The following KCTD16 variants were observed in gnomAD, a reference collection of about 807,000 sequenced individuals.
KCTD16 encodes the protein BTB/POZ domain-containing protein KCTD16.
In KCTD16, 13 loss-of-function variants were observed where a neutral mutation model predicts 33.2. The observed-to-expected ratio is 0.39, with a 90% CI of 0.25 to 0.62. The LOEUF (loss-of-function observed/expected upper bound fraction) is 0.62. Ranked by LOEUF, KCTD16 falls within the 20% of genes least tolerant of loss-of-function variation. The pLI is 0.50. For synonymous variants in KCTD16, 197 were observed against 195.3 expected (o/e 1.01, Z -0.07); for missense variants, 441 against 525.1 (o/e 0.84, Z 1.57).
intron 3 of KCTD16, among the ~76,000 whole-genome samples, chr5:144,446,042 A>G (rs528494766): frequency 6.6e-6 from 1 of 151,960 alleles, no homozygotes; most frequent in East Asian, 1.9e-4. Flanking sequence ...CTTTCTATAC[A>G]GATGCCATTA....
intron 3 of KCTD16, among the ~76,000 whole-genome samples, chr5:144,325,646 A>G (rs1055010262): frequency 6.6e-6 from 1 of 151,936 alleles, no homozygotes; most frequent in African/African-American, 2.4e-5. Flanking sequence ...TTCTCTTTCA[A>G]GTTTCAGCCT....
intron 3 of KCTD16, among the ~76,000 whole-genome samples, chr5:144,454,106 GA>G (rs1430390949): frequency 6.6e-6 from 1 of 152,152 alleles, no homozygotes; most frequent in East Asian, 1.9e-4. Context: ...AATCAACAAT[GA>G]ATCAACAGTC....
chr5:144,469,165 G>A (rs1456866370), intron 3 of KCTD16, among the ~76,000 whole-genome samples: 1 of 152,134 alleles, frequency 6.6e-6, no homozygotes, highest in African/African-American at 2.4e-5. Flanking sequence ...AAGTTTATTT[G>A]ATGTGTTTTC....
At chr5:144,240,258 C>T (rs936708367) in intron 3 of KCTD16, among the ~76,000 whole-genome samples, 15 of 152,124 alleles carry the variant, frequency 9.9e-5, no homozygotes, top group African/African-American at 3.6e-4. Flanking sequence ...CTGGAATCTC[C>T]TGAGGAATCA....
chr5:144,352,043 AAAAT>A (rs1751452645), intron 3 of KCTD16, among the ~76,000 whole-genome samples: 1 of 152,230 alleles, frequency 6.6e-6, no homozygotes, highest in Non-Finnish European at 1.5e-5. Flanking sequence ...TCTTAACAAA[AAAAT>A]AAGTATATGT....
intron 3 of KCTD16, among the ~76,000 whole-genome samples, chr5:144,264,396 T>C (rs1755087814): frequency 1.3e-5 from 2 of 152,200 alleles, no homozygotes; most frequent in Admixed American, 6.5e-5. Flanking sequence ...TAAATGTTAA[T>C]ACATATGTAA....
At chr5:144,439,437 C>G (rs1220118417) in intron 3 of KCTD16, 5 of 339,332 alleles carry the variant, frequency 1.5e-5, no homozygotes, top group Non-Finnish European at 2.8e-5. Flanking sequence ...TCACATCTTA[C>G]TATTCCAGTG....
intron 3 of KCTD16, among the ~76,000 whole-genome samples, chr5:144,244,704 A>C (rs1490319799): frequency 1.3e-5 from 2 of 152,182 alleles, no homozygotes; most frequent in African/African-American, 4.8e-5. Flanking sequence ...GTACCTTCAA[A>C]GTAGACCCAA....
At chr5:144,449,525 C>T (rs1183302913) in intron 3 of KCTD16, among the ~76,000 whole-genome samples, 1 of 151,666 alleles carries the variant, frequency 6.6e-6, no homozygotes, top group Non-Finnish European at 1.5e-5. Context: ...GCACACATAC[C>T]CACTGAATCT....
At chr5:144,382,123 T>A (rs1752229635) in intron 3 of KCTD16, among the ~76,000 whole-genome samples, 1 of 152,196 alleles carries the variant, frequency 6.6e-6, no homozygotes, top group South Asian at 2.1e-4. Context: ...GAGGCCATTA[T>A]GCTAAGTAAA....
At chr5:144,372,755 A>G (rs1468952956) in intron 3 of KCTD16, among the ~76,000 whole-genome samples, 1 of 152,230 alleles carries the variant, frequency 6.6e-6, no homozygotes, top group African/African-American at 2.4e-5. Context: ...AGGCCTGGCC[A>G]GGGAGTAGTA....
rs566989675 is a variant in KCTD16 at position 144,439,047 on chromosome 5, T to A, written c.833-34613T>A. Among the ~76,000 whole-genome samples the A allele has an allele frequency of 9.9e-4, 151 of 152,260 alleles. 1 individual carries two copies. In the South Asian group the frequency reaches 0.027, roughly 27 times the overall value. On this transcript the variant is annotated intron_variant, in intron 3 of 3. Transcript: ENST00000512467. ...TAATTTCATCTGTTTTTTTTTTCTT[T>A]TTTTCTGGTTCTAATCTTATCTTAC...
intron 3 of KCTD16, among the ~76,000 whole-genome samples, chr5:144,468,507 A>C (rs952445600): frequency 6.6e-6 from 1 of 152,230 alleles, no homozygotes; most frequent in African/African-American, 2.4e-5. Context: ...ACTGCAAGCA[A>C]GAAATGATGA....
At chr5:144,361,828 C>G (rs1751719807) in intron 3 of KCTD16, among the ~76,000 whole-genome samples, 1 of 151,570 alleles carries the variant, frequency 6.6e-6, no homozygotes, top group Admixed American at 6.6e-5. Flanking sequence ...ATAAAATATT[C>G]AAAATATATG....
chr5:144,298,310 C>T (rs558521724), intron 3 of KCTD16, among the ~76,000 whole-genome samples: 1 of 152,274 alleles, frequency 6.6e-6, no homozygotes, highest in South Asian at 2.1e-4. Flanking sequence ...GCAAGGACCC[C>T]TCGGTAACAC....
At chr5:144,181,876 C>T (rs1752632323) in intron 2 of KCTD16, among the ~76,000 whole-genome samples, 1 of 151,980 alleles carries the variant, frequency 6.6e-6, no homozygotes, top group Non-Finnish European at 1.5e-5. Context: ...GGTGGATCAC[C>T]TGAGGTCAGG....
intron 3 of KCTD16, among the ~76,000 whole-genome samples, chr5:144,307,916 G>A (rs150219092): frequency 6.0e-4 from 92 of 152,290 alleles, no homozygotes; most frequent in South Asian, 2.7e-3. Flanking sequence ...TGGCCCAGCC[G>A]TGTGGTAGCT....
chr5:144,295,401 T>A (rs1559129), intron 3 of KCTD16, among the ~76,000 whole-genome samples: 7 of 151,970 alleles, frequency 4.6e-5, no homozygotes, highest in Non-Finnish European at 1.0e-4. Context: ...AACTTGTAAA[T>A]AATCAGGGAA....
chr5:144,277,215 G>A (rs180953012), intron 3 of KCTD16, among the ~76,000 whole-genome samples: 1 of 152,104 alleles, frequency 6.6e-6, no homozygotes, highest in African/African-American at 2.4e-5. Flanking sequence ...TGTGCTTTTT[G>A]GTGACCCTCC....
Sources: allele counts gnomAD v4.1 joint callset (sites outside exome capture counted in the v4.1 genomes callset), GRCh38; gene constraint gnomAD v4.1.1; transcripts MANE v1.5; gene names NCBI Gene and HGNC (gene_info 2026-07-23, HGNC 2026-07-21).